SRPK1: variants seen among roughly 807,000 people sequenced by gnomAD.
SRPK1 encodes the protein SRSF protein kinase 1, also known as SFRS protein kinase 1.
Under a neutral mutation model 89.5 loss-of-function variants are expected in SRPK1, and 52 were observed. That is an observed-to-expected ratio of 0.58 (90% CI 0.46 to 0.73). SRPK1 has a LOEUF of 0.73. SRPK1 is among the 30% of genes least tolerant of loss of function. The pLI, the probability that SRPK1 is intolerant of heterozygous loss-of-function variation, is 0.00. For synonymous variants in SRPK1, 255 were observed against 270.2 expected, an observed-to-expected ratio of 0.94 and a Z score of 0.55; for missense variants, 603 against 780.6, an observed-to-expected ratio of 0.77 and a Z score of 2.71.
chr6:35,861,702 G>A (rs373336433), intron 12 of SRPK1, among the ~76,000 whole-genome samples: 2 of 152,194 alleles, frequency 1.3e-5, no homozygotes, highest in Non-Finnish European at 1.5e-5. Context: ...TTGCCCTTTC[G>A]GGCTGACGTG....
intron 6 of SRPK1, among the ~76,000 whole-genome samples, chr6:35,878,284 A>G (rs754024939): frequency 2.1e-4 from 32 of 152,318 alleles, no homozygotes; most frequent in Non-Finnish European, 3.8e-4. Context: ...GTGAGCCTGC[A>G]ATATCTTGAT....
chr6:35,885,298 C>CACACACAGAGAGAGAGAGAG (rs1276672274), intron 6 of SRPK1, among the ~76,000 whole-genome samples: 1 of 113,188 alleles, frequency 8.8e-6, no homozygotes, highest in African/African-American at 3.6e-5. Context: ...CACACACACA[C>CACACACAGAGAGAGAGAGAG]AGAGAGAGAG....
Position 35,857,373 on chromosome 6 carries a change from G to C in SRPK1, c.1513-5C>G, listed in dbSNP as rs564286428. The stretch of plus-strand genomic sequence containing the variant: ...ATCTTCAGTGAAATGTTTGTGCTGA[G>C]AAAATGAAGGAAACAATATTTTAAA... On this transcript the variant is annotated splice_region_variant and splice_polypyrimidine_tract_variant and intron_variant, in intron 12 of 15. Coordinates refer to ENST00000373825, the MANE Select transcript of SRPK1 (RefSeq NM_003137.5). 2.5e-6 allele frequency: 4 copies of C among 1,582,710 alleles called. No individual in the cohort carries two copies. Among genetic ancestry groups the C allele is most frequent in the Admixed American group, 3.5e-5 (2 of 57,320 alleles).
intron 13 of SRPK1, among the ~76,000 whole-genome samples, chr6:35,853,097 C>T (rs991169229): frequency 3.3e-5 from 5 of 151,938 alleles, no homozygotes; most frequent in African/African-American, 4.8e-5. Context: ...AAAAATGAGC[C>T]GAGTGGGTGG....
At chr6:35,841,830 CAAAAA>C (rs749935901) in intron 14 of SRPK1, among the ~76,000 whole-genome samples, 2 of 44,728 alleles carry the variant, frequency 4.5e-5, no homozygotes, top group African/African-American at 1.2e-4. Context: ...GACTCCGTCT[CAAAAA>C]AAAAAAAAAA....
chr6:35,906,100 A>G (rs1770842040), intron 2 of SRPK1, among the ~76,000 whole-genome samples: 1 of 152,252 alleles, frequency 6.6e-6, no homozygotes, highest in African/African-American at 2.4e-5. Flanking sequence ...ACCAGATTAA[A>G]AAAAGCAATC....
At chr6:35,873,417 T>C (rs1299086500) in intron 7 of SRPK1, among the ~76,000 whole-genome samples, 1 of 152,200 alleles carries the variant, frequency 6.6e-6, no homozygotes. Flanking sequence ...AAAATGGTTA[T>C]GCTAAAACAT....
At chr6:35,877,103 T>C (rs1485794022) in intron 6 of SRPK1, among the ~76,000 whole-genome samples, 1 of 152,258 alleles carries the variant, frequency 6.6e-6, no homozygotes, top group Admixed American at 6.5e-5. Context: ...ATGCCCAGCA[T>C]TCGCATAGGG....
chr6:35,838,313 T>C, intron 15 of SRPK1, 24 bp downstream of exon 15: 1 of 1,500,222 alleles, frequency 6.7e-7, no homozygotes, highest in Non-Finnish European at 8.9e-7. Flanking sequence ...GCCTCCTTAA[T>C]GTCTGGGAAC....
chr6:35,842,806 CA>C (rs1037390056), intron 13 of SRPK1, among the ~76,000 whole-genome samples: 60 of 150,712 alleles, frequency 4.0e-4, no homozygotes, highest in African/African-American at 1.4e-3. Flanking sequence ...ATGGAGAAAA[CA>C]GCAAAGACTC....
chr6:35,920,097 G>T, intron 2 of SRPK1: 1 of 467,874 alleles, frequency 2.1e-6, no homozygotes, highest in South Asian at 1.5e-5. Flanking sequence ...TAAGACGTTG[G>T]GGAGCAGGTA....
intron 2 of SRPK1, among the ~76,000 whole-genome samples, chr6:35,919,784 ATGTT>A (rs1157724481): frequency 6.6e-6 from 1 of 152,222 alleles, no homozygotes; most frequent in African/African-American, 2.4e-5. Flanking sequence ...AGAATCATCA[ATGTT>A]TGTTAAAGAA....
At chr6:35,916,843 G>A (rs913019233) in intron 2 of SRPK1, among the ~76,000 whole-genome samples, 4 of 152,206 alleles carry the variant, frequency 2.6e-5, no homozygotes, top group Admixed American at 6.5e-5. Flanking sequence ...TGGATCACTC[G>A]AGGTCGAGTT....
rs1554152656 is a variant in SRPK1 at position 35,880,742 on chromosome 6, A to AAAAAAGAAAG, written c.478+5981_478+5982insCTTTCTTTTT. ...CTCAAAAAAAAAAAAAAAGAAAAAA[A>AAAAAAGAAAG]AAAAAAAAGAAAAGAAAAGAAGAAG... On this transcript the variant is annotated intron_variant, in intron 6 of 15. Coordinates refer to ENST00000373825, the MANE Select transcript of SRPK1 (RefSeq NM_003137.5). Among the ~76,000 whole-genome samples the AAAAAAGAAAG allele has an allele frequency of 2.1e-4, 6 of 28,192 alleles. No homozygotes were observed. In the East Asian group the frequency reaches 5.1e-3, roughly 24 times the overall value. The allele number at this position is 28,192 out of a possible 152,430, so 18.5% of individuals were successfully genotyped here. A position where few individuals can be genotyped will look rare whatever the true frequency, so the allele number is the denominator to read the frequency against.
intron 12 of SRPK1, among the ~76,000 whole-genome samples, chr6:35,857,981 TA>T (rs1472508883): frequency 6.6e-6 from 1 of 152,230 alleles, no homozygotes; most frequent in African/African-American, 2.4e-5. Context: ...TCCCTGTTTT[TA>T]AATTTCAATA....
chr6:35,899,238 A>G (rs565350438), intron 2 of SRPK1, among the ~76,000 whole-genome samples: 2 of 152,242 alleles, frequency 1.3e-5, no homozygotes, highest in South Asian at 2.1e-4. Context: ...TTTTTTTCCA[A>G]TGGCCTACAA....
intron 1 of SRPK1, 133 bp downstream of exon 1, chr6:35,920,911 G>T: frequency 1.0e-6 from 1 of 973,424 alleles, no homozygotes. Flanking sequence ...GGTGTGGGGC[G>T]GCGCCACCTC....
At chr6:35,861,001 A>T (rs903963189) in intron 12 of SRPK1, among the ~76,000 whole-genome samples, 1 of 152,174 alleles carries the variant, frequency 6.6e-6, no homozygotes, top group African/African-American at 2.4e-5. Flanking sequence ...GGACTTTGGT[A>T]TTCATTCTGA....
chr6:35,875,710 T>C (rs1033325871), intron 6 of SRPK1, among the ~76,000 whole-genome samples: 1 of 152,200 alleles, frequency 6.6e-6, no homozygotes, highest in Admixed American at 6.5e-5. Flanking sequence ...ATACTATTAC[T>C]GATTCAGGTA....
Sources: gnomAD v4.1 joint callset for allele counts (sites outside exome capture counted in the v4.1 genomes callset) on GRCh38, gnomAD v4.1.1 for gene constraint, MANE v1.5 for transcripts, NCBI Gene and HGNC (gene_info 2026-07-23, HGNC 2026-07-21) for gene names.